PRTFDC1: variants seen among roughly 807,000 people sequenced by gnomAD.
The protein encoded by PRTFDC1 is phosphoribosyl transferase domain containing 1.
Under a neutral mutation model 34.6 loss-of-function variants are expected in PRTFDC1, and 38 were observed. That is an observed-to-expected ratio of 1.10 (90% CI 0.85 to 1.44). PRTFDC1 has a LOEUF of 1.44. PRTFDC1 is among the 40% of genes most tolerant of loss of function. The pLI is 0.00. For missense variants in PRTFDC1, 270 were observed against 283.0 expected, an observed-to-expected ratio of 0.95 and a Z score of 0.33; for synonymous variants, 93 against 98.1, an observed-to-expected ratio of 0.95 and a Z score of 0.31.
At chr10:24,932,300 C>A (rs1433059764) in intron 3 of PRTFDC1, among the ~76,000 whole-genome samples, 1 of 151,842 alleles carries the variant, frequency 6.6e-6, no homozygotes, top group African/African-American at 2.4e-5. Flanking sequence ...GAGGTCCTAA[C>A]TGGCATGATC....
intron 3 of PRTFDC1, 149 bp downstream of exon 3, chr10:24,937,035 G>C (rs1401313925): frequency 1.4e-6 from 1 of 723,874 alleles, no homozygotes; most frequent in Admixed American, 3.0e-5. Flanking sequence ...TCTTATGTTA[G>C]GTTGCCGTAT....
intron 3 of PRTFDC1, among the ~76,000 whole-genome samples, chr10:24,905,717 T>C (rs901637026): frequency 1.3e-5 from 2 of 152,168 alleles, no homozygotes; most frequent in African/African-American, 4.8e-5. Context: ...ATCCATCATA[T>C]GCCCAAGCTG....
chr10:24,881,575 A>G (rs757325911), intron 3 of PRTFDC1, among the ~76,000 whole-genome samples: 4 of 152,182 alleles, frequency 2.6e-5, no homozygotes, highest in African/African-American at 4.8e-5. Flanking sequence ...GTCTGGCTGC[A>G]TTTTTATCTT....
In PRTFDC1 at chr10:24,937,291, C is replaced by A. The variant is rs1467189077; in HGVS notation, c.232G>T (p.Gly78Cys). Residue 78 changes from glycine (G) to cysteine (C), a missense_variant, in exon 3 of 9, where the codon GGT becomes TGT. Gly to Cys is a radical substitution (Grantham distance 159). Coordinates refer to ENST00000320152, the MANE Select transcript of PRTFDC1 (RefSeq NM_020200.7). ...DIMVLCVLKG[G>C]YKFCADLVEH... Reference sequence around the variant, plus strand: ...ACGAGATCAGCACAGAATTTGTAACCTCCTTTAAGCACACACAGGACCATG... The same window carrying A: ...ACGAGATCAGCACAGAATTTGTAACATCCTTTAAGCACACACAGGACCATG... 6.2e-7 allele frequency: 1 copy of A among 1,613,904 alleles called. No homozygotes were observed. Among genetic ancestry groups the A allele is most frequent in the East Asian group, 2.2e-5 (1 of 44,846 alleles).
chr10:24,904,311 C>T (rs1354353743), intron 3 of PRTFDC1, among the ~76,000 whole-genome samples: 2 of 151,510 alleles, frequency 1.3e-5, no homozygotes, highest in African/African-American at 4.9e-5. Context: ...CTCAGACTTG[C>T]AAATATTCTT....
At chr10:24,908,246 T>A (rs996577755) in intron 3 of PRTFDC1, 1 of 423,844 alleles carries the variant, frequency 2.4e-6, no homozygotes, top group Non-Finnish European at 4.2e-6. Context: ...TGCGTTGAAT[T>A]GAACATGTCA....
intron 3 of PRTFDC1, among the ~76,000 whole-genome samples, chr10:24,923,319 G>A (rs1848819381): frequency 6.6e-6 from 1 of 152,222 alleles, no homozygotes; most frequent in African/African-American, 2.4e-5. Context: ...CAGCATTCGA[G>A]CTCTGAGAAC....
chr10:24,935,471 G>A (rs1445714109), intron 3 of PRTFDC1, among the ~76,000 whole-genome samples: 4 of 152,200 alleles, frequency 2.6e-5, no homozygotes, highest in African/African-American at 9.7e-5. Flanking sequence ...AGTATCTTAA[G>A]AAATCAGAAC....
chr10:24,925,602 A>G (rs532658781), intron 3 of PRTFDC1, among the ~76,000 whole-genome samples: 1 of 152,342 alleles, frequency 6.6e-6, no homozygotes, highest in African/African-American at 2.4e-5. Context: ...GTTTCATGGG[A>G]CCAGCAAGCT....
chr10:24,906,877 G>A (rs371892287), intron 3 of PRTFDC1, among the ~76,000 whole-genome samples: 1 of 152,300 alleles, frequency 6.6e-6, no homozygotes, highest in African/African-American at 2.4e-5. Flanking sequence ...AAATGGACAA[G>A]CTGTCAGGAG....
At chr10:24,899,180 A>G (rs1396171437) in intron 3 of PRTFDC1, among the ~76,000 whole-genome samples, 1 of 152,180 alleles carries the variant, frequency 6.6e-6, no homozygotes, top group Admixed American at 6.6e-5. Context: ...AGAGCAGTGG[A>G]GTGAATGGAA....
intron 3 of PRTFDC1, among the ~76,000 whole-genome samples, chr10:24,892,979 A>T (rs192478511): frequency 1.4e-3 from 212 of 152,296 alleles, no homozygotes; most frequent in African/African-American, 4.8e-3. Context: ...AGATCTCTTA[A>T]AACCCTGGGA....
At chr10:24,949,402 T>C (rs1249066068) in intron 1 of PRTFDC1, among the ~76,000 whole-genome samples, 3 of 152,114 alleles carry the variant, frequency 2.0e-5, no homozygotes, top group East Asian at 1.9e-4. Flanking sequence ...TTTTTAAAAC[T>C]GGTACTAATT....
At chr10:24,909,823 C>T (rs1848599577) in intron 3 of PRTFDC1, among the ~76,000 whole-genome samples, 1 of 152,034 alleles carries the variant, frequency 6.6e-6, no homozygotes, top group East Asian at 1.9e-4. Context: ...TCTCAATGCC[C>T]ATAACCTGAC....
At chr10:24,856,007 G>C (rs1184341362) in intron 6 of PRTFDC1, among the ~76,000 whole-genome samples, 1 of 147,192 alleles carries the variant, frequency 6.8e-6, no homozygotes, top group African/African-American at 2.5e-5. Flanking sequence ...TCAGCTACAT[G>C]GGAGTCTGAA....
chr10:24,894,417 G>A (rs940904667), intron 3 of PRTFDC1, among the ~76,000 whole-genome samples: 1 of 152,152 alleles, frequency 6.6e-6, no homozygotes, highest in Non-Finnish European at 1.5e-5. Context: ...TGAGCTGTGA[G>A]TCATGCTCTT....
chr10:24,888,070 G>T (rs1848199931), intron 3 of PRTFDC1, among the ~76,000 whole-genome samples: 1 of 152,182 alleles, frequency 6.6e-6, no homozygotes, highest in African/African-American at 2.4e-5. Flanking sequence ...ACAGGGTCTT[G>T]CTGTGTCATC....
intron 3 of PRTFDC1, among the ~76,000 whole-genome samples, chr10:24,894,418 T>A (rs1848316505): frequency 6.6e-6 from 1 of 151,460 alleles, no homozygotes; most frequent in African/African-American, 2.4e-5. Context: ...GAGCTGTGAG[T>A]CATGCTCTTA....
chr10:24,906,378 C>A (rs1278214245), intron 3 of PRTFDC1, among the ~76,000 whole-genome samples: 1 of 152,090 alleles, frequency 6.6e-6, no homozygotes, highest in Admixed American at 6.6e-5. Context: ...TACCCCTGGA[C>A]CCCCAGCTTA....
Sources: gnomAD v4.1 joint callset for allele counts (sites outside exome capture counted in the v4.1 genomes callset) on GRCh38, gnomAD v4.1.1 for gene constraint, MANE v1.5 for transcripts, NCBI Gene and HGNC (gene_info 2026-07-23, HGNC 2026-07-21) for gene names.